The following BRAF variants were observed in gnomAD, a reference collection of about 807,000 sequenced individuals.
The protein encoded by BRAF is serine/threonine-protein kinase B-raf.
A neutral mutation model predicts 104.6 loss-of-function variants in BRAF; 16 were observed. The observed-to-expected ratio is 0.15, with a 90% confidence interval of 0.10 to 0.23. The LOEUF (loss-of-function observed/expected upper bound fraction) is 0.23, where lower values mean the gene tolerates loss of function less well. Among genes scored for constraint, BRAF ranks in the 10% least tolerant of loss-of-function variants. The probability of loss-of-function intolerance (pLI) is 1.00; values close to 1 mark genes in which losing one functional copy is unlikely to be tolerated. For missense variants in BRAF, 541 were observed against 937.3 expected, an observed-to-expected ratio of 0.58 and a Z score of 5.52; for synonymous variants, 310 against 341.6, an observed-to-expected ratio of 0.91 and a Z score of 1.02.
chr7:140,714,534 A>ATG (rs1563218358), downstream of BRAF, among the ~76,000 whole-genome samples: 1 of 151,886 alleles, frequency 6.6e-6, no homozygotes, highest in African/African-American at 2.4e-5. Flanking sequence ...CACTTGGCTA[A>ATG]TGTGTGTGTG....
At chr7:140,828,456 T>C (rs1000997079) in intron 3 of BRAF, among the ~76,000 whole-genome samples, 5 of 152,198 alleles carry the variant, frequency 3.3e-5, no homozygotes, top group African/African-American at 1.2e-4. Flanking sequence ...AATAAACATA[T>C]TTTATTCAGC....
At chr7:140,736,000 TAA>T (rs1796384538) in intron 18 of BRAF, among the ~76,000 whole-genome samples, 2 of 151,460 alleles carry the variant, frequency 1.3e-5, no homozygotes, top group South Asian at 2.1e-4. Context: ...TAGAAATGTA[TAA>T]AGAGTATAAG....
chr7:140,794,205 A>T, intron 8 of BRAF, 103 bp downstream of exon 8: 4 of 1,378,226 alleles, frequency 2.9e-6, no homozygotes, highest in Non-Finnish European at 4.1e-6. Flanking sequence ...TAACTGTGAT[A>T]AATGAAAAAT....
intron 3 of BRAF, among the ~76,000 whole-genome samples, chr7:140,821,804 T>C (rs552695527): frequency 2.0e-5 from 3 of 152,194 alleles, no homozygotes; most frequent in Non-Finnish European, 2.9e-5. Context: ...CTATTCACAA[T>C]AGCAAAGGCA....
chr7:140,755,430 T>G (rs1276178212), intron 14 of BRAF, among the ~76,000 whole-genome samples: 1 of 152,176 alleles, frequency 6.6e-6, no homozygotes, highest in Non-Finnish European at 1.5e-5. Context: ...TAACCAAGAT[T>G]ATTCATGCTG....
chr7:140,746,498 A>G (rs1797358847), intron 17 of BRAF, among the ~76,000 whole-genome samples: 1 of 152,168 alleles, frequency 6.6e-6, no homozygotes, highest in African/African-American at 2.4e-5. Flanking sequence ...AAGCTGGAAG[A>G]AATTCTTAGC....
At chr7:140,922,907 A>C (rs1190496530) in intron 1 of BRAF, among the ~76,000 whole-genome samples, 2 of 152,232 alleles carry the variant, frequency 1.3e-5, no homozygotes, top group Admixed American at 1.3e-4. Flanking sequence ...GAAACAGAAT[A>C]AACTAGGAAA....
intron 3 of BRAF, among the ~76,000 whole-genome samples, chr7:140,825,666 G>T (rs1296567304): frequency 1.3e-5 from 2 of 152,200 alleles, no homozygotes; most frequent in East Asian, 3.9e-4. Flanking sequence ...TGGTGCATTT[G>T]CCCAAGTCAA....
At chr7:140,784,135 T>C (rs866388029) in intron 10 of BRAF, among the ~76,000 whole-genome samples, 1 of 151,848 alleles carries the variant, frequency 6.6e-6, no homozygotes, top group East Asian at 1.9e-4. Context: ...CTCAAGAAAA[T>C]AGATTCTTTT....
At chr7:140,804,293 C>T (rs1277183850) in intron 5 of BRAF, among the ~76,000 whole-genome samples, 1 of 152,048 alleles carries the variant, frequency 6.6e-6, no homozygotes, top group African/African-American at 2.4e-5. Flanking sequence ...CAACCTCCAC[C>T]TCCTGGATTC....
intron 14 of BRAF, among the ~76,000 whole-genome samples, chr7:140,760,604 G>A (rs1798612371): frequency 6.6e-6 from 1 of 151,948 alleles, no homozygotes; most frequent in Non-Finnish European, 1.5e-5. Flanking sequence ...GCAGGATTAA[G>A]GGAGGGACCC....
intron 5 of BRAF, among the ~76,000 whole-genome samples, chr7:140,807,136 A>T (rs1348710047): frequency 6.6e-6 from 1 of 152,190 alleles, no homozygotes; most frequent in Non-Finnish European, 1.5e-5. Flanking sequence ...TCCGGGCCTT[A>T]TGCTGGTGAC....
Position 140,722,808 on chromosome 7 carries a change from A to G in BRAF, c.*3686T>C, listed in dbSNP as rs1037415342. ...CTGTTAGTGAAGTGATACCACAGCT[A>G]TTTAATTTCATGCAATTGACTCAAG... On this transcript the variant is annotated 3_prime_UTR_variant, in exon 20 of 20. Coordinates refer to ENST00000644969, the MANE Select transcript of BRAF (RefSeq NM_001374258.1). The G allele has an allele frequency of 3.8e-6, 4 of 1,052,302 alleles. No individual in the cohort carries two copies. The highest frequency in any genetic ancestry group is 4.6e-6 in the Non-Finnish European group (4 of 871,164). The allele number at this position is 1,052,302 out of a possible 1,614,324, so 65.2% of individuals were successfully genotyped here.
chr7:140,736,110 G>A (rs908826174), intron 18 of BRAF, among the ~76,000 whole-genome samples: 1 of 119,444 alleles, frequency 8.4e-6, no homozygotes, highest in Non-Finnish European at 1.7e-5. Flanking sequence ...TCACTCTATT[G>A]TCCAGGCTGG....
At chr7:140,914,731 G>A (rs1023317974) in intron 1 of BRAF, among the ~76,000 whole-genome samples, 3 of 151,792 alleles carry the variant, frequency 2.0e-5, no homozygotes, top group African/African-American at 4.8e-5. Flanking sequence ...CAGAAATTAC[G>A]CTAACAAGAG....
At chr7:140,866,987 G>A (rs1366317940) in intron 1 of BRAF, among the ~76,000 whole-genome samples, 1 of 152,006 alleles carries the variant, frequency 6.6e-6, no homozygotes, top group Non-Finnish European at 1.5e-5. Context: ...TGAAAAAATA[G>A]TTTTCAAAGA....
chr7:140,736,072 CTTTT>C (rs200796950), intron 18 of BRAF, among the ~76,000 whole-genome samples: 3 of 139,780 alleles, frequency 2.1e-5, no homozygotes, highest in African/African-American at 5.2e-5. Context: ...TCTTCTGTAC[CTTTT>C]TTTTTTTTTT....
In BRAF at chr7:140,732,170, C is replaced by CAAAAAAAAAAAA. The variant is rs61727494; in HGVS notation, c.2401+2435_2401+2446dup. The CAAAAAAAAAAAA allele has an allele frequency of 3.8e-4, 9 of 23,696 alleles. 1 individual carries two copies. Among genetic ancestry groups the CAAAAAAAAAAAA allele is most frequent in the Non-Finnish European group, 9.3e-4 (7 of 7,526 alleles). The allele number at this position is 23,696 out of a possible 1,614,324, so 1.5% of individuals were successfully genotyped here. ...TGGGCGACAGAGCGAGACTCTGTCT[C>CAAAAAAAAAAAA]AAAAAAAAAAAAAAAAAAAAAAAAA... On this transcript the variant is annotated intron_variant, in intron 19 of 19. Transcript: ENST00000644969.
chr7:140,850,290 A>G, intron 1 of BRAF, 78 bp from the exon 2 acceptor site: 2 of 1,129,592 alleles, frequency 1.8e-6, no homozygotes, highest in Non-Finnish European at 2.6e-6. Flanking sequence ...AGACAACTAC[A>G]TCACAGTAAC....
Sources: gnomAD v4.1 joint callset for allele counts (sites outside exome capture counted in the v4.1 genomes callset) on GRCh38, gnomAD v4.1.1 for gene constraint, MANE v1.5 for transcripts, NCBI Gene and HGNC (gene_info 2026-07-23, HGNC 2026-07-21) for gene names.